The following WDR70 variants were observed in gnomAD, a reference collection of about 807,000 sequenced individuals.
The protein encoded by WDR70 is WD repeat-containing protein 70.
Under a neutral mutation model 88.6 loss-of-function variants are expected in WDR70, and 53 were observed. The observed-to-expected ratio is 0.60, with a 90% confidence interval of 0.48 to 0.75. WDR70 has a LOEUF of 0.75. Among genes scored for constraint, WDR70 ranks in the 30% least tolerant of loss-of-function variants. The probability of loss-of-function intolerance (pLI) is 0.00; values close to 1 mark genes in which losing one functional copy is unlikely to be tolerated. For missense variants in WDR70, 610 were observed against 823.2 expected (o/e 0.74, Z 3.17); for synonymous variants, 280 against 270.0 (o/e 1.04, Z -0.36).
At chr5:37,566,806 T>G (rs1426622907) in intron 9 of WDR70, among the ~76,000 whole-genome samples, 1 of 152,188 alleles carries the variant, frequency 6.6e-6, no homozygotes, top group African/African-American at 2.4e-5. Flanking sequence ...AAAGGGAATA[T>G]TTTTTGACAT....
intron 7 of WDR70, 28 bp downstream of exon 7, chr5:37,443,400 A>G (rs749751392): frequency 3.7e-6 from 6 of 1,611,822 alleles, no homozygotes; most frequent in African/African-American, 1.3e-5. Flanking sequence ...TAATATCTTC[A>G]TATTTGACCT....
chr5:37,538,849 GCTTA>G (rs1424942198), intron 9 of WDR70, among the ~76,000 whole-genome samples: 2 of 152,152 alleles, frequency 1.3e-5, no homozygotes, highest in Non-Finnish European at 2.9e-5. Flanking sequence ...ATTAAAAAAT[GCTTA>G]CTTATCCAAA....
chr5:37,566,586 C>T (rs917228813), intron 9 of WDR70, among the ~76,000 whole-genome samples: 1 of 152,076 alleles, frequency 6.6e-6, no homozygotes, highest in Non-Finnish European at 1.5e-5. Flanking sequence ...CAATTTTTCT[C>T]AGTCTTAGAA....
intron 7 of WDR70, among the ~76,000 whole-genome samples, chr5:37,476,472 C>A (rs990749882): frequency 1.3e-5 from 2 of 152,152 alleles, no homozygotes; most frequent in Non-Finnish European, 2.9e-5. Context: ...GAAAAGCCAG[C>A]CTTTTGTGTA....
rs569140736 is a variant in WDR70 at position 37,412,932 on chromosome 5, A to G, written c.492+16362A>G. ...GCACTCAGAATGGCTGGGTTTTATC[A>G]TTGTTTTCATCATCAATACCAATAT... On this transcript the variant is annotated intron_variant, in intron 5 of 17. Transcript: ENST00000265107. Among the ~76,000 whole-genome samples, 10 of 152,346 alleles carry G rather than the reference A, an allele frequency of 6.6e-5. No individual in the cohort carries two copies. The South Asian group carries it at 2.1e-3, about 32-fold the overall frequency.
chr5:37,605,211 C>T lies in WDR70; in HGVS notation c.1065C>T (p.Ser355=). The T allele has an allele frequency of 6.2e-7, 1 of 1,606,324 alleles. No homozygotes were observed. Among genetic ancestry groups the T allele is most frequent in the Non-Finnish European group, 8.5e-7 (1 of 1,176,398 alleles). ...TAGCAGCTGCCTGCCAGAATGGAAG[C>T]ATACAGATCTGGGACCGAAATTTGA... ...NLIAAACQNG[S]IQIWDRNLTV... The change falls in exon 10 of 18, where the codon AGC becomes AGT. Residue 355 remains serine (S), a synonymous_variant. Transcript: ENST00000265107.
At chr5:37,388,396 G>A (rs1466471768) in intron 3 of WDR70, among the ~76,000 whole-genome samples, 2 of 148,902 alleles carry the variant, frequency 1.3e-5, no homozygotes, top group South Asian at 2.1e-4. Context: ...GATTACAGGC[G>A]TGAGCCACCA....
At chr5:37,466,662 C>T (rs1392064841) in intron 7 of WDR70, among the ~76,000 whole-genome samples, 5 of 123,140 alleles carry the variant, frequency 4.1e-5, no homozygotes, top group Non-Finnish European at 7.8e-5. Context: ...GCCGAGATGG[C>T]GCCACTGCAC....
At chr5:37,494,577 C>A (rs899681950) in intron 8 of WDR70, among the ~76,000 whole-genome samples, 1 of 151,994 alleles carries the variant, frequency 6.6e-6, no homozygotes, top group Non-Finnish European at 1.5e-5. Flanking sequence ...TTTAAGAATT[C>A]AAAAAACTGC....
chr5:37,621,400 A>G (rs756150838), intron 10 of WDR70, among the ~76,000 whole-genome samples: 2 of 152,250 alleles, frequency 1.3e-5, no homozygotes, highest in Non-Finnish European at 2.9e-5. Flanking sequence ...GCAACCACCA[A>G]TTCTCTAGTT....
intron 13 of WDR70, among the ~76,000 whole-genome samples, chr5:37,710,808 T>TTTA (rs1402174086): frequency 1.7e-4 from 26 of 151,734 alleles, no homozygotes; most frequent in Admixed American, 1.4e-3. Flanking sequence ...TTTTTATTTA[T>TTTA]TTATTATTAT....
intron 13 of WDR70, among the ~76,000 whole-genome samples, chr5:37,717,883 C>A (rs1022372930): frequency 6.6e-6 from 1 of 152,176 alleles, no homozygotes; most frequent in Non-Finnish European, 1.5e-5. Context: ...GGCCCACCCA[C>A]CTTTGGCTTT....
At chr5:37,602,220 A>G (rs1272305303) in intron 9 of WDR70, among the ~76,000 whole-genome samples, 5 of 151,914 alleles carry the variant, frequency 3.3e-5, no homozygotes. Context: ...AAGTATATAT[A>G]TATAAAAAGA....
intron 8 of WDR70, chr5:37,506,476 T>A (rs1740565123): frequency 1.3e-6 from 1 of 768,744 alleles, no homozygotes; most frequent in African/African-American, 1.7e-5. Context: ...TCTTGCTTAT[T>A]TCCCCAGACA....
chr5:37,508,118 C>T (rs534893346), intron 8 of WDR70, among the ~76,000 whole-genome samples: 4 of 151,930 alleles, frequency 2.6e-5, no homozygotes, highest in South Asian at 2.1e-4. Flanking sequence ...GTTTTTTGTA[C>T]GTACCTATTA....
intron 9 of WDR70, among the ~76,000 whole-genome samples, chr5:37,547,428 A>G (rs1742030082): frequency 6.6e-6 from 1 of 152,114 alleles, no homozygotes; most frequent in South Asian, 2.1e-4. Flanking sequence ...GACTTACTAC[A>G]TGGCAAATTT....
intron 7 of WDR70, among the ~76,000 whole-genome samples, chr5:37,443,581 G>A (rs923357317): frequency 2.0e-5 from 3 of 152,114 alleles, no homozygotes; most frequent in Middle Eastern, 3.2e-3. Context: ...GGCTGGGCGC[G>A]GTGGCTCACA....
At chr5:37,600,452 G>A (rs576210939) in intron 9 of WDR70, among the ~76,000 whole-genome samples, 9 of 150,462 alleles carry the variant, frequency 6.0e-5, no homozygotes, top group African/African-American at 7.4e-5. Flanking sequence ...GCATGAACCC[G>A]CAAGGCGGAG....
intron 7 of WDR70, among the ~76,000 whole-genome samples, chr5:37,456,219 T>G (rs531757166): frequency 6.6e-6 from 1 of 152,200 alleles, no homozygotes. Flanking sequence ...TTAGTGGCAA[T>G]GTGTAAGAGT....
Sources: allele counts gnomAD v4.1 joint callset (sites outside exome capture counted in the v4.1 genomes callset), GRCh38; gene constraint gnomAD v4.1.1; transcripts MANE v1.5; gene names NCBI Gene and HGNC (gene_info 2026-07-23, HGNC 2026-07-21).